Variants in CADM2 observed in about 807,000 individuals in gnomAD.
The protein encoded by CADM2 is immunoglobulin superfamily member 4D.
A neutral mutation model predicts 49.8 loss-of-function variants in CADM2; 12 were observed. The observed-to-expected ratio is 0.24, with a 90% CI of 0.15 to 0.39. CADM2 has a LOEUF of 0.39. Ranked by LOEUF, CADM2 falls within the 10% of genes least tolerant of loss-of-function variation. CADM2 has a pLI of 1.00. For missense variants in CADM2, 378 were observed against 492.3 expected (o/e 0.77, Z 2.20); for synonymous variants, 214 against 175.4 (o/e 1.22, Z -1.74).
At chr3:85,509,752 T>C (rs73126399) in intron 1 of CADM2, among the ~76,000 whole-genome samples, 31,566 of 151,962 alleles carry the variant, frequency 0.21, 3,884 homozygotes, top group East Asian at 0.3. Flanking sequence ...AGGTTTCTGG[T>C]TTTAGGAAAC....
rs1576966107 is a variant in CADM2, at chr3:85,627,401, G to A, written c.62-99121G>A. Among the ~76,000 whole-genome samples, 3 of 151,692 alleles carry A rather than the reference G, an allele frequency of 2.0e-5. 1 individual carries two copies. In the South Asian group the frequency reaches 6.2e-4, roughly 32 times the overall value. ...TATGTACACATCCATGTATACATTTGGGTAAATATGAATATTCATATATAT... is the reference window on the plus strand; with the variant it reads ...TATGTACACATCCATGTATACATTTAGGTAAATATGAATATTCATATATAT... On this transcript the variant is annotated intron_variant, in intron 1 of 9. Coordinates refer to ENST00000383699, the MANE Select transcript of CADM2 (RefSeq NM_001167675.2).
At chr3:85,887,063 A>T (rs1460076577) in intron 5 of CADM2, among the ~76,000 whole-genome samples, 1 of 152,126 alleles carries the variant, frequency 6.6e-6, no homozygotes, top group Admixed American at 6.5e-5. Context: ...CATTCTGCTT[A>T]TTTTAAAATG....
chr3:85,441,821 T>G (rs1223576731), intron 1 of CADM2, among the ~76,000 whole-genome samples: 1 of 151,942 alleles, frequency 6.6e-6, no homozygotes, highest in Non-Finnish European at 1.5e-5. Flanking sequence ...AAGAATCACA[T>G]GGAATTGATT....
chr3:85,422,309 T>C (rs905710442), intron 1 of CADM2, among the ~76,000 whole-genome samples: 5 of 151,482 alleles, frequency 3.3e-5, no homozygotes, highest in African/African-American at 1.2e-4. Flanking sequence ...TGAGACAGAG[T>C]CTCTGTCGCC....
rs946225091 is a variant in CADM2, at chr3:85,389,737, A to G, written c.62-336785A>G. ...GATTTTTTTGTATTATAAAACTTCTAGATCCCATGTAATGTGTGTGCAATC... is the reference window on the plus strand; with the variant it reads ...GATTTTTTTGTATTATAAAACTTCTGGATCCCATGTAATGTGTGTGCAATC... On this transcript the variant is annotated intron_variant, in intron 1 of 9. Transcript: ENST00000383699. Among the ~76,000 whole-genome samples, 8 of 152,110 alleles carry G rather than the reference A, an allele frequency of 5.3e-5. No homozygotes were observed. In the East Asian group the frequency reaches 1.3e-3, roughly 26 times the overall value.
intron 8 of CADM2, among the ~76,000 whole-genome samples, chr3:86,049,987 C>T (rs1242328705): frequency 6.6e-6 from 1 of 152,170 alleles, no homozygotes; most frequent in Non-Finnish European, 1.5e-5. Context: ...TCATGCTTTT[C>T]CAGAAGTCCC....
chr3:84,970,441 A>T (rs2031344401), intron 1 of CADM2, among the ~76,000 whole-genome samples: 1 of 147,422 alleles, frequency 6.8e-6, no homozygotes, highest in Admixed American at 7.0e-5. Context: ...CTTTTTCTAA[A>T]AAGTCCCAGT....
chr3:85,501,700 T>C (rs1394226385), intron 1 of CADM2, among the ~76,000 whole-genome samples: 2 of 152,132 alleles, frequency 1.3e-5, no homozygotes, highest in African/African-American at 4.8e-5. Context: ...AAACATTACA[T>C]ACATGTATAT....
intron 1 of CADM2, among the ~76,000 whole-genome samples, chr3:85,255,489 A>G (rs566365115): frequency 1.3e-5 from 2 of 152,104 alleles, no homozygotes; most frequent in Admixed American, 1.3e-4. Flanking sequence ...TGGCTCTAAC[A>G]CTTTGCAGCT....
At chr3:85,784,712 C>T (rs1171997778) in intron 2 of CADM2, among the ~76,000 whole-genome samples, 1 of 152,068 alleles carries the variant, frequency 6.6e-6, no homozygotes, top group Non-Finnish European at 1.5e-5. Context: ...ATTTTTGCAT[C>T]TATGTTCATC....
intron 1 of CADM2, among the ~76,000 whole-genome samples, chr3:85,124,683 T>A (rs1417593770): frequency 6.6e-6 from 1 of 152,144 alleles, no homozygotes; most frequent in African/African-American, 2.4e-5. Flanking sequence ...AAACATTCAA[T>A]TACACCTAAG....
At chr3:85,085,575 A>G (rs1268380459) in intron 1 of CADM2, among the ~76,000 whole-genome samples, 1 of 152,070 alleles carries the variant, frequency 6.6e-6, no homozygotes, top group East Asian at 1.9e-4. Flanking sequence ...TGGAGGAATA[A>G]TTACTACTAG....
At chr3:85,570,113 C>A (rs79294891) in intron 1 of CADM2, among the ~76,000 whole-genome samples, 4 of 152,044 alleles carry the variant, frequency 2.6e-5, no homozygotes, top group South Asian at 4.1e-4. Context: ...ATAGATTTGA[C>A]AAATTAATTA....
chr3:85,981,365 T>C (rs185705814), intron 8 of CADM2, among the ~76,000 whole-genome samples: 1 of 151,600 alleles, frequency 6.6e-6, no homozygotes, highest in Non-Finnish European at 1.5e-5. Flanking sequence ...CCTTCCAACT[T>C]TTATTTTAGG....
At chr3:85,364,105 T>A (rs1424053693) in intron 1 of CADM2, among the ~76,000 whole-genome samples, 1 of 152,226 alleles carries the variant, frequency 6.6e-6, no homozygotes, top group African/African-American at 2.4e-5. Context: ...GAGACTTATT[T>A]ATGTTAAGGC....
intron 3 of CADM2, among the ~76,000 whole-genome samples, chr3:85,814,233 A>G (rs149820162): frequency 4.9e-4 from 75 of 152,190 alleles, no homozygotes; most frequent in African/African-American, 1.7e-3. Flanking sequence ...AGTGATTTGT[A>G]GTTCTCCTTG....
chr3:85,304,320 G>A (rs1018312722), intron 1 of CADM2, among the ~76,000 whole-genome samples: 3 of 151,754 alleles, frequency 2.0e-5, no homozygotes, highest in Non-Finnish European at 4.4e-5. Flanking sequence ...GTTTCAAACG[G>A]TATATCATAA....
intron 8 of CADM2, among the ~76,000 whole-genome samples, chr3:86,051,203 C>T (rs1290735185): frequency 6.6e-6 from 1 of 151,218 alleles, no homozygotes; most frequent in Admixed American, 6.6e-5. Flanking sequence ...CATCAACACT[C>T]TCAAGTTCAA....
chr3:85,434,716 A>G (rs971030434), intron 1 of CADM2, among the ~76,000 whole-genome samples: 2 of 152,080 alleles, frequency 1.3e-5, no homozygotes, highest in African/African-American at 4.8e-5. Context: ...GTCAATTTTA[A>G]TATTACCCTC....
Sources: gnomAD v4.1 joint callset for allele counts (sites outside exome capture counted in the v4.1 genomes callset) on GRCh38, gnomAD v4.1.1 for gene constraint, MANE v1.5 for transcripts, NCBI Gene and HGNC (gene_info 2026-07-23, HGNC 2026-07-21) for gene names.